MAML2: variants seen among roughly 807,000 people sequenced by gnomAD.
The protein encoded by MAML2 is mastermind like transcriptional coactivator 2.
A neutral mutation model predicts 96.1 loss-of-function variants in MAML2; 22 were observed. The ratio of observed to expected loss-of-function variants is 0.23; its 90% CI spans 0.16 to 0.33. MAML2 has a LOEUF of 0.33. Ranked by LOEUF, MAML2 falls within the 10% of genes least tolerant of loss-of-function variation. The pLI, the probability that MAML2 is intolerant of heterozygous loss-of-function variation, is 1.00. For missense variants in MAML2, 1,367 were observed against 1,392.4 expected (o/e 0.98, Z 0.29); for synonymous variants, 561 against 521.3 (o/e 1.08, Z -1.04).
intron 1 of MAML2, among the ~76,000 whole-genome samples, chr11:96,186,704 A>T (rs1274717209): frequency 1.3e-5 from 2 of 152,268 alleles, no homozygotes; most frequent in African/African-American, 4.8e-5. Context: ...CTATGTAGGA[A>T]GTAGCATTAT....
At chr11:96,250,203 C>A (rs1210322165) in intron 1 of MAML2, among the ~76,000 whole-genome samples, 2 of 151,970 alleles carry the variant, frequency 1.3e-5, no homozygotes, top group African/African-American at 4.8e-5. Flanking sequence ...GCTTGGTAGA[C>A]AAATTATCTG....
chr11:96,219,606 AT>A (rs1862101648), intron 1 of MAML2, among the ~76,000 whole-genome samples: 1 of 152,030 alleles, frequency 6.6e-6, no homozygotes, highest in Non-Finnish European at 1.5e-5. Flanking sequence ...CTGAACAAAC[AT>A]CTTTTCTGAG....
At chr11:96,041,628 G>T (rs1421240409) in intron 2 of MAML2, among the ~76,000 whole-genome samples, 1 of 152,168 alleles carries the variant, frequency 6.6e-6, no homozygotes, top group Non-Finnish European at 1.5e-5. Context: ...TCTGGAGGAA[G>T]TGTGTTCCAT....
At chr11:96,006,793 C>G (rs1426016398) in intron 2 of MAML2, among the ~76,000 whole-genome samples, 1 of 151,270 alleles carries the variant, frequency 6.6e-6, no homozygotes, top group Non-Finnish European at 1.5e-5. Flanking sequence ...GTCCTGACCT[C>G]AGGTGATCCG....
intron 1 of MAML2, among the ~76,000 whole-genome samples, chr11:96,242,305 A>T (rs1192392666): frequency 1.3e-5 from 2 of 152,254 alleles, no homozygotes; most frequent in Non-Finnish European, 2.9e-5. Context: ...GAAACAAGAC[A>T]GGAAAAAACT....
At chr11:96,048,259 G>C (rs1858938802) in intron 2 of MAML2, among the ~76,000 whole-genome samples, 1 of 152,176 alleles carries the variant, frequency 6.6e-6, no homozygotes, top group African/African-American at 2.4e-5. Flanking sequence ...AGGTGAGCAA[G>C]TTAATGGAAA....
chr11:96,213,350 G>C (rs79093834), intron 1 of MAML2, among the ~76,000 whole-genome samples: 1,715 of 152,264 alleles, frequency 0.011, 9 homozygotes, highest in Middle Eastern at 0.017. Flanking sequence ...GCCCAGTAAT[G>C]GAGAGCCCTA....
intron 2 of MAML2, among the ~76,000 whole-genome samples, chr11:96,073,586 C>T (rs1474687552): frequency 6.6e-6 from 1 of 152,128 alleles, no homozygotes; most frequent in East Asian, 1.9e-4. Flanking sequence ...TCCCAAAGTG[C>T]TGGGATTACA....
intron 1 of MAML2, among the ~76,000 whole-genome samples, chr11:96,159,415 T>TTTTTTTTTTTTTTTC (rs1343295196): frequency 8.4e-6 from 1 of 119,530 alleles, no homozygotes; most frequent in African/African-American, 3.0e-5. Context: ...TTCTTTTTTT[T>TTTTTTTTTTTTTTTC]TTTTTTTTTT....
At chr11:95,996,728 G>A (rs1857996032) in intron 2 of MAML2, among the ~76,000 whole-genome samples, 1 of 152,098 alleles carries the variant, frequency 6.6e-6, no homozygotes, top group Non-Finnish European at 1.5e-5. Flanking sequence ...CAAGCTTGCT[G>A]TCATTGCCAA....
intron 1 of MAML2, among the ~76,000 whole-genome samples, chr11:96,303,367 G>A (rs939195692): frequency 4.6e-5 from 7 of 152,130 alleles, no homozygotes; most frequent in African/African-American, 1.4e-4. Flanking sequence ...TACAACTGAT[G>A]TGCTGTTTCC....
chr11:96,231,235 T>G (rs906931023), intron 1 of MAML2, among the ~76,000 whole-genome samples: 1 of 152,164 alleles, frequency 6.6e-6, no homozygotes, highest in Non-Finnish European at 1.5e-5. Context: ...CCCTCACAAC[T>G]CCGAAAACAC....
chr11:96,335,866 C>T (rs1365875765), intron 1 of MAML2, among the ~76,000 whole-genome samples: 1 of 152,124 alleles, frequency 6.6e-6, no homozygotes, highest in African/African-American at 2.4e-5. Context: ...AAACACTTAA[C>T]TTACATGCCT....
intron 2 of MAML2, among the ~76,000 whole-genome samples, chr11:96,032,585 T>TAAA (rs1590971790): frequency 2.6e-5 from 1 of 39,106 alleles, no homozygotes; most frequent in Admixed American, 2.8e-4. Context: ...AGAGTCTGTC[T>TAAA]CAAAAAAAAA....
At chr11:96,331,522 C>T (rs866063355) in intron 1 of MAML2, among the ~76,000 whole-genome samples, 11 of 151,768 alleles carry the variant, frequency 7.2e-5, no homozygotes, top group Non-Finnish European at 1.0e-4. Context: ...TAAGGCCAGG[C>T]GCAGTGCCTC....
intron 2 of MAML2, among the ~76,000 whole-genome samples, chr11:96,024,520 T>C (rs75684982): frequency 0.013 from 2,009 of 152,366 alleles, 39 homozygotes; most frequent in African/African-American, 0.044. Context: ...CGTGCAGACA[T>C]GCACTCATGT....
At chr11:96,293,168 T>C (rs1863239745) in intron 1 of MAML2, among the ~76,000 whole-genome samples, 1 of 152,216 alleles carries the variant, frequency 6.6e-6, no homozygotes, top group Non-Finnish European at 1.5e-5. Context: ...AAAATGGATA[T>C]GATATTACCC....
intron 2 of MAML2, among the ~76,000 whole-genome samples, chr11:96,029,467 A>C (rs1001644437): frequency 6.6e-6 from 1 of 152,174 alleles, no homozygotes; most frequent in Non-Finnish European, 1.5e-5. Context: ...TGGGAGACCA[A>C]AATTTCTCCA....
At chr11:96,304,194 C>T (rs1277514568) in intron 1 of MAML2, among the ~76,000 whole-genome samples, 1 of 152,146 alleles carries the variant, frequency 6.6e-6, no homozygotes, top group Non-Finnish European at 1.5e-5. Flanking sequence ...GAGGAGGGGA[C>T]ACTGATTCTA....
Sources: allele counts gnomAD v4.1 joint callset (sites outside exome capture counted in the v4.1 genomes callset), GRCh38; gene constraint gnomAD v4.1.1; transcripts MANE v1.5; gene names NCBI Gene and HGNC (gene_info 2026-07-23, HGNC 2026-07-21).